ERICH1: variants seen among roughly 807,000 people sequenced by gnomAD.
ERICH1 encodes the protein glutamate-rich protein 1.
In ERICH1, 56 loss-of-function variants were observed where a neutral mutation model predicts 39.6. The ratio of observed to expected loss-of-function variants is 1.41; its 90% CI spans 1.14 to 1.77. ERICH1 has a LOEUF of 1.77. ERICH1 is among the 40% of genes most tolerant of loss of function. The probability of loss-of-function intolerance (pLI) is 0.00; values close to 1 mark genes in which losing one functional copy is unlikely to be tolerated. For missense variants in ERICH1, 826 were observed against 575.4 expected, an observed-to-expected ratio of 1.44 and a Z score of -4.45; for synonymous variants, 313 against 223.6, an observed-to-expected ratio of 1.40 and a Z score of -3.57.
chr8:712,419 CGT>C, intron 2 of ERICH1, among the ~76,000 whole-genome samples: 1 of 142,238 alleles, frequency 7.0e-6, no homozygotes, highest in East Asian at 1.9e-4. Context: ...TAAATGATAC[CGT>C]GTTTTGTTTT....
intron 5 of ERICH1, 55 bp downstream of exon 5, chr8:668,543 A>C (rs186569427): frequency 6.2e-7 from 1 of 1,605,016 alleles, no homozygotes; most frequent in South Asian, 1.1e-5. Context: ...TTTCAGAGGC[A>C]AACCTCGATG....
At chr8:698,381 G>T (rs764685189) in intron 2 of ERICH1, among the ~76,000 whole-genome samples, 2 of 152,000 alleles carry the variant, frequency 1.3e-5, no homozygotes, top group African/African-American at 2.4e-5. Flanking sequence ...ACCACGCCCA[G>T]ATAATTTTTG....
intron 2 of ERICH1, among the ~76,000 whole-genome samples, chr8:695,492 TC>T (rs1809954150): frequency 1.4e-5 from 2 of 145,700 alleles, no homozygotes; most frequent in African/African-American, 5.0e-5. Flanking sequence ...CCTCCCTCCC[TC>T]TCCTCTCCTT....
intron 3 of ERICH1, among the ~76,000 whole-genome samples, chr8:623,590 T>C: frequency 6.6e-6 from 1 of 151,754 alleles, no homozygotes; most frequent in East Asian, 1.9e-4. Flanking sequence ...GTGAAATAAT[T>C]ACCACAATAA....
chr8:724,900 G>A (rs770538089), intron 1 of ERICH1, among the ~76,000 whole-genome samples: 2 of 152,258 alleles, frequency 1.3e-5, no homozygotes, highest in East Asian at 1.9e-4. Flanking sequence ...CGCCTGGCCC[G>A]GACCACGAGG....
At chr8:713,347 G>A (rs1815195722) in intron 2 of ERICH1, among the ~76,000 whole-genome samples, 1 of 152,222 alleles carries the variant, frequency 6.6e-6, no homozygotes, top group Non-Finnish European at 1.5e-5. Context: ...AAAAGTATGT[G>A]CAAAAGCAGT....
intron 3 of ERICH1, among the ~76,000 whole-genome samples, chr8:676,783 G>A (rs1403520394): frequency 1.3e-5 from 2 of 152,338 alleles, no homozygotes; most frequent in African/African-American, 4.8e-5. Flanking sequence ...AAAGCTTGCC[G>A]CTGCACCACG....
At chr8:639,977 G>A (rs1198271070) in intron 3 of ERICH1, among the ~76,000 whole-genome samples, 1 of 152,172 alleles carries the variant, frequency 6.6e-6, no homozygotes, top group African/African-American at 2.4e-5. Context: ...GAAGAATAAT[G>A]CTCCCTAAAA....
At chr8:671,564 T>C (rs1187901947) in intron 4 of ERICH1, among the ~76,000 whole-genome samples, 1 of 139,648 alleles carries the variant, frequency 7.2e-6, no homozygotes, top group African/African-American at 2.7e-5. Flanking sequence ...GTAATGTCTG[T>C]GCCCACTGGT....
At chr8:617,174 G>C (rs532457624) in intron 3 of ERICH1, among the ~76,000 whole-genome samples, 9 of 152,206 alleles carry the variant, frequency 5.9e-5, no homozygotes, top group African/African-American at 1.9e-4. Flanking sequence ...GGGCACAGGC[G>C]GTGGGGACCA....
intron 3 of ERICH1, among the ~76,000 whole-genome samples, chr8:623,394 C>T (rs1797406344): frequency 6.6e-6 from 1 of 152,148 alleles, no homozygotes; most frequent in Non-Finnish European, 1.5e-5. Context: ...ACCTCCTCAG[C>T]CTGATGCTTA....
rs1395826870 is a variant in ERICH1 at position 648,910 on chromosome 8, T to A, written c.976+19688A>T. Among the ~76,000 whole-genome samples, 43 of 69,532 alleles carry A rather than the reference T, an allele frequency of 6.2e-4. 13 individuals are homozygous for A. Among genetic ancestry groups the A allele is most frequent in the African/African-American group, 1.5e-3 (42 of 27,660 alleles). The allele number at this position is 69,532 out of a possible 152,430, so 45.6% of individuals were successfully genotyped here. The stretch of plus-strand genomic sequence containing the variant: ...TTCTGAAGGCAAAAATAGAGAGCAG[T>A]TCTGTCATTTCCCATAAATCTATAC... On this transcript the variant is annotated intron_variant, in intron 3 of 3. Coordinates refer to the ERICH1 transcript ENST00000522706.
At chr8:698,229 T>C (rs1364720306) in intron 2 of ERICH1, among the ~76,000 whole-genome samples, 1 of 151,970 alleles carries the variant, frequency 6.6e-6, no homozygotes, top group Non-Finnish European at 1.5e-5. Flanking sequence ...TTTTCTTTTT[T>C]TTTTTTTGAG....
At chr8:700,460 A>AC in intron 2 of ERICH1, among the ~76,000 whole-genome samples, 1 of 101,326 alleles carries the variant, frequency 9.9e-6, no homozygotes, top group African/African-American at 3.5e-5. Context: ...AGACCCGCAC[A>AC]GGCGCACAGA....
chr8:616,177 C>A, intron 3 of ERICH1: 1 of 205,582 alleles, frequency 4.9e-6, no homozygotes, highest in East Asian at 1.4e-4. Context: ...CTCAAGGGTA[C>A]ACCTTAAAGA....
chr8:692,708 A>C, intron 2 of ERICH1, 96 bp from the exon 3 acceptor site: 3 of 1,340,318 alleles, frequency 2.2e-6, no homozygotes, highest in Non-Finnish European at 3.0e-6. Flanking sequence ...CTCTAAATTC[A>C]TTCAAGACAT....
chr8:724,372 G>A (rs1818068773), intron 1 of ERICH1, among the ~76,000 whole-genome samples: 1 of 152,176 alleles, frequency 6.6e-6, no homozygotes, highest in Non-Finnish European at 1.5e-5. Context: ...GTTTCTCCTT[G>A]TAGTTTTTTA....
At chr8:673,174 A>C in intron 4 of ERICH1, 115 bp downstream of exon 4, 1 of 1,269,050 alleles carries the variant, frequency 7.9e-7, no homozygotes, top group African/African-American at 1.5e-5. Flanking sequence ...ACAACTAATT[A>C]TTTTACATTG....
chr8:700,791 A>G, intron 2 of ERICH1, among the ~76,000 whole-genome samples: 1 of 152,378 alleles, frequency 6.6e-6, no homozygotes, highest in South Asian at 2.1e-4. Context: ...TTAATCAGCT[A>G]TTCAGAGTCT....
Sources: allele counts gnomAD v4.1 joint callset (sites outside exome capture counted in the v4.1 genomes callset), GRCh38; gene constraint gnomAD v4.1.1; transcripts MANE v1.5; gene names NCBI Gene and HGNC (gene_info 2026-07-23, HGNC 2026-07-21).